DPH6: variants seen among roughly 807,000 people sequenced by gnomAD.
The protein encoded by DPH6 is diphthine--ammonia ligase.
Under a neutral mutation model 38.2 loss-of-function variants are expected in DPH6, and 33 were observed. That is an observed-to-expected ratio of 0.86 (90% CI 0.65 to 1.15). The LOEUF is 1.15. Ranked by LOEUF, DPH6 falls within the 50% of genes most tolerant of loss-of-function variation. DPH6 has a pLI of 0.00. For missense variants in DPH6, 325 were observed against 320.0 expected (o/e 1.02, Z -0.12); for synonymous variants, 108 against 103.0 (o/e 1.05, Z -0.30).
chr15:35,221,275 T>C (rs1254226522), intron 3 of DPH6, among the ~76,000 whole-genome samples: 2 of 152,178 alleles, frequency 1.3e-5, no homozygotes, highest in Non-Finnish European at 2.9e-5. Flanking sequence ...GGGCTACCTG[T>C]TGGTGGTTCT....
Position 35,438,785 on chromosome 15 carries a change from G to C in DPH6, c.505+11900C>G, listed in dbSNP as rs192960540. 2.5e-3 allele frequency among the ~76,000 whole-genome samples: 387 copies of C among 152,318 alleles called. 1 individual carries two copies. The highest frequency in any genetic ancestry group is 8.9e-3 in the African/African-American group (370 of 41,556). ...TTTAGTTCATGTGACTTTAGTCTTT[G>C]AGAAACGGAAACAGCCTTGGAGATT... On this transcript the variant is annotated intron_variant, in intron 5 of 8. Transcript: ENST00000256538.
At chr15:35,199,356 T>A in the DPH6 span, among the ~76,000 whole-genome samples, 1 of 152,194 alleles carries the variant, frequency 6.6e-6, no homozygotes, top group South Asian at 2.1e-4. Context: ...AAGAAAGCAA[T>A]GAATCTTGTA....
chr15:35,169,048 A>C, the DPH6 span, among the ~76,000 whole-genome samples: 1 of 152,188 alleles, frequency 6.6e-6, no homozygotes, highest in Non-Finnish European at 1.5e-5. Context: ...TAAGTATATT[A>C]AAATCTGTAT....
At chr15:35,169,471 G>A in the DPH6 span, among the ~76,000 whole-genome samples, 6 of 152,122 alleles carry the variant, frequency 3.9e-5, no homozygotes, top group Non-Finnish European at 5.9e-5. Context: ...CCCTTTATGA[G>A]CCGATTTCAA....
intron 5 of DPH6, among the ~76,000 whole-genome samples, chr15:35,424,548 C>A (rs1345647933): frequency 6.7e-6 from 1 of 150,060 alleles, no homozygotes; most frequent in Admixed American, 6.6e-5. Flanking sequence ...TCTTTTATTT[C>A]TTTTTCTTGC....
intron 3 of DPH6, among the ~76,000 whole-genome samples, chr15:35,351,830 TC>T (rs1334438782): frequency 1.3e-5 from 2 of 151,698 alleles, no homozygotes; most frequent in Non-Finnish European, 2.9e-5. Flanking sequence ...CAAGGGATCC[TC>T]TCTACTTAGC....
chr15:35,198,860 G>GT, the DPH6 span, among the ~76,000 whole-genome samples: 143 of 151,940 alleles, frequency 9.4e-4, no homozygotes, highest in Non-Finnish European at 1.8e-3. Context: ...CCTATAAATA[G>GT]TAACACTTCA....
chr15:35,229,939 A>C (rs75126867), intron 3 of DPH6, among the ~76,000 whole-genome samples: 4,270 of 152,282 alleles, frequency 0.028, 86 homozygotes, highest in Middle Eastern at 0.041. Context: ...GGATGGAGTG[A>C]CACAGGAATC....
chr15:35,374,983 T>C (rs903307920), intron 7 of DPH6, among the ~76,000 whole-genome samples: 2 of 152,124 alleles, frequency 1.3e-5, no homozygotes, highest in African/African-American at 2.4e-5. Context: ...ATTCCTATTA[T>C]ACAATCTTAC....
chr15:35,180,348 C>T, the DPH6 span, among the ~76,000 whole-genome samples: 721 of 150,876 alleles, frequency 4.8e-3, 4 homozygotes, highest in African/African-American at 0.017. Context: ...TCAGAGCCTT[C>T]CTTCAGTTTT....
chr15:35,381,549 G>A (rs961632394), intron 7 of DPH6, among the ~76,000 whole-genome samples: 1 of 152,146 alleles, frequency 6.6e-6, no homozygotes, highest in Non-Finnish European at 1.5e-5. Flanking sequence ...AAAAGTGTCG[G>A]TGTGTAGGTA....
At chr15:35,426,525 T>C (rs1015925032) in intron 5 of DPH6, among the ~76,000 whole-genome samples, 2 of 151,740 alleles carry the variant, frequency 1.3e-5, no homozygotes, top group South Asian at 2.1e-4. Context: ...TCTTGGCTTA[T>C]TGGGGCAGGT....
chr15:35,329,275 A>G (rs907724159), downstream of DPH6, among the ~76,000 whole-genome samples: 2 of 152,212 alleles, frequency 1.3e-5, no homozygotes, highest in African/African-American at 4.8e-5. Flanking sequence ...ACACAAATGT[A>G]TCTGGTAGTA....
chr15:35,361,744 T>A (rs7166747), intron 3 of DPH6, among the ~76,000 whole-genome samples: 14,989 of 151,538 alleles, frequency 0.099, 1,982 homozygotes, highest in African/African-American at 0.31. Flanking sequence ...TGGTTCAGTT[T>A]TTATATTCTT....
intron 6 of DPH6, among the ~76,000 whole-genome samples, chr15:35,388,659 T>G (rs1434589807): frequency 2.6e-5 from 4 of 152,198 alleles, no homozygotes; most frequent in African/African-American, 9.6e-5. Context: ...CTGATGGTAG[T>G]TTGTATTTCT....
At chr15:35,409,685 A>G (rs920059380) in intron 6 of DPH6, among the ~76,000 whole-genome samples, 6 of 152,118 alleles carry the variant, frequency 3.9e-5, no homozygotes, top group East Asian at 1.9e-4. Flanking sequence ...GTCTGATGGC[A>G]GTGAACAGAT....
At chr15:35,290,918 C>A (rs2051975887) in intron 3 of DPH6, among the ~76,000 whole-genome samples, 1 of 151,836 alleles carries the variant, frequency 6.6e-6, no homozygotes, top group African/African-American at 2.4e-5. Context: ...TTAACAATTT[C>A]CAACACAAGT....
chr15:35,164,218 C>T, the DPH6 span, among the ~76,000 whole-genome samples: 377 of 151,834 alleles, frequency 2.5e-3, 3 homozygotes, highest in East Asian at 0.022. Context: ...ACTCTTTGGG[C>T]AAAACTGCAA....
At chr15:35,372,649 C>G (rs2052728494) in intron 8 of DPH6, among the ~76,000 whole-genome samples, 1 of 151,876 alleles carries the variant, frequency 6.6e-6, no homozygotes. Flanking sequence ...TGCCCATTGT[C>G]ATTCTTCTGG....
Sources: gnomAD v4.1 joint callset for allele counts (sites outside exome capture counted in the v4.1 genomes callset) on GRCh38, gnomAD v4.1.1 for gene constraint, MANE v1.5 for transcripts, NCBI Gene and HGNC (gene_info 2026-07-23, HGNC 2026-07-21) for gene names.